The following ARHGAP26 variants were observed in gnomAD, a reference collection of about 807,000 sequenced individuals.
ARHGAP26 encodes rho GTPase-activating protein 26.
ARHGAP26 carries 38 observed loss-of-function variants against 104.8 expected under a neutral mutation model. The ratio of observed to expected loss-of-function variants is 0.36; its 90% confidence interval spans 0.28 to 0.48. ARHGAP26 has a LOEUF of 0.48. Among genes scored for constraint, ARHGAP26 ranks in the 20% least tolerant of loss-of-function variants. The pLI, the probability that ARHGAP26 is intolerant of heterozygous loss-of-function variation, is 0.99. For synonymous variants in ARHGAP26, 341 were observed against 340.0 expected (o/e 1.00, Z -0.03); for missense variants, 704 against 947.9 (o/e 0.74, Z 3.38).
At chr5:142,920,863 G>A (rs1050832512) in intron 10 of ARHGAP26, among the ~76,000 whole-genome samples, 1 of 152,214 alleles carries the variant, frequency 6.6e-6, no homozygotes, top group Admixed American at 6.5e-5. Context: ...ATACTGGGGG[G>A]AAAGTAACAA....
In ARHGAP26 at chr5:143,228,434, A is replaced by G. The variant is rs1811827419; in HGVS notation, c.*5988A>G. The G allele has an allele frequency of 4.6e-6, 1 of 219,572 alleles. No individual in the cohort carries two copies. Among genetic ancestry groups the G allele is most frequent in the African/African-American group, 2.2e-5 (1 of 44,562 alleles). 13.6% of individuals were successfully genotyped at this position (219,572 alleles called of 1,614,324 possible). On this transcript the variant is annotated 3_prime_UTR_variant, in exon 23 of 23. Transcript: ENST00000645722. ...GATGTAAATTCAGTGCCATTTTAAA[A>G]CTGTTCATATTTATCAAACAATTAC...
chr5:143,209,068 A>G (rs1809030965), intron 21 of ARHGAP26, among the ~76,000 whole-genome samples: 1 of 152,220 alleles, frequency 6.6e-6, no homozygotes, highest in Non-Finnish European at 1.5e-5. Context: ...GGCTTTAGGA[A>G]AATGTAATTC....
At chr5:142,977,786 G>A (rs751555776) in intron 11 of ARHGAP26, among the ~76,000 whole-genome samples, 9 of 152,198 alleles carry the variant, frequency 5.9e-5, no homozygotes, top group East Asian at 1.9e-4. Context: ...AAAAATTCAC[G>A]GAGGAAGTCA....
In ARHGAP26 at chr5:143,033,923, G is replaced by A. The variant is rs115479954; in HGVS notation, c.1145-3273G>A. On this transcript the variant is annotated intron_variant, in intron 12 of 22. Coordinates refer to ENST00000645722, the MANE Select transcript of ARHGAP26 (RefSeq NM_001135608.3). ...CCTTTAGCACAAAACGTAATTCCCC[G>A]TCTGACAAATGCTTTCCAGTAGGCT... 5.5e-3 allele frequency among the ~76,000 whole-genome samples: 841 copies of A among 152,228 alleles called. 7 individuals are homozygous for A. Among genetic ancestry groups the A allele is most frequent in the African/African-American group, 0.018 (738 of 41,518 alleles).
intron 1 of ARHGAP26, among the ~76,000 whole-genome samples, chr5:142,790,009 T>C (rs1759477366): frequency 6.6e-6 from 1 of 152,232 alleles, no homozygotes; most frequent in African/African-American, 2.4e-5. Flanking sequence ...ATAAGGTCTT[T>C]ATTAATCCAG....
intron 5 of ARHGAP26, among the ~76,000 whole-genome samples, chr5:142,889,003 A>AT (rs1192333555): frequency 2.0e-5 from 3 of 152,164 alleles, no homozygotes; most frequent in African/African-American, 4.8e-5. Context: ...TTATAATTCC[A>AT]TTGCAGGGGG....
At chr5:143,147,595 C>T in intron 20 of ARHGAP26, 1 of 531,240 alleles carries the variant, frequency 1.9e-6, no homozygotes. Context: ...GCTTCTTAGC[C>T]TTGGTGATTT....
At chr5:143,169,572 G>A (rs1802490156) in intron 20 of ARHGAP26, 1 of 152,204 alleles carries the variant, frequency 6.6e-6, no homozygotes, top group Non-Finnish European at 1.5e-5. Flanking sequence ...AATACAGGCT[G>A]AGCCTAATTT....
Position 142,943,899 on chromosome 5 carries a change from A to ATT in ARHGAP26, c.1107+11775_1107+11776insTT, listed in dbSNP as rs146757095. On this transcript the variant is annotated intron_variant, in intron 11 of 22. Coordinates refer to ENST00000645722, the MANE Select transcript of ARHGAP26 (RefSeq NM_001135608.3). Reference sequence around the variant, plus strand: ...TTTATATTAGCTTAACCTTTGGGGAATAGGATTAGTTGTGAGACTTTTTGA... The same window carrying ATT: ...TTTATATTAGCTTAACCTTTGGGGAATTTAGGATTAGTTGTGAGACTTTTTGA... Among the ~76,000 whole-genome samples the ATT allele has an allele frequency of 6.9e-3, 1,048 of 152,214 alleles. 11 individuals are homozygous for ATT. Among genetic ancestry groups the ATT allele is most frequent in the African/African-American group, 0.024 (1,001 of 41,540 alleles).
At chr5:142,771,217 C>T in intron 1 of ARHGAP26, 1 of 1,268,468 alleles carries the variant, frequency 7.9e-7, no homozygotes, top group Non-Finnish European at 9.9e-7. Context: ...GGTGTCCCAG[C>T]AGTGGGGCCA....
chr5:143,182,146 C>T (rs950437445), intron 20 of ARHGAP26, among the ~76,000 whole-genome samples: 13 of 152,220 alleles, frequency 8.5e-5, no homozygotes, highest in African/African-American at 3.1e-4. Flanking sequence ...TACCACATCA[C>T]TCTGTGTTAT....
At chr5:143,190,444 T>C (rs748830745) in intron 20 of ARHGAP26, among the ~76,000 whole-genome samples, 1 of 152,164 alleles carries the variant, frequency 6.6e-6, no homozygotes, top group African/African-American at 2.4e-5. Flanking sequence ...CTGTGCGCCA[T>C]GGTGGCTAGA....
intron 1 of ARHGAP26, among the ~76,000 whole-genome samples, chr5:142,844,203 A>G (rs1043043152): frequency 2.0e-5 from 3 of 151,852 alleles, no homozygotes; most frequent in African/African-American, 7.3e-5. Context: ...GGTACCCACC[A>G]CCACACCTGG....
chr5:143,098,077 G>A (rs895352749), intron 17 of ARHGAP26, among the ~76,000 whole-genome samples: 5 of 152,004 alleles, frequency 3.3e-5, no homozygotes, highest in African/African-American at 1.2e-4. Flanking sequence ...CTTTATAATA[G>A]CGCTGCCTCA....
At chr5:143,026,111 A>G (rs1034183012) in intron 12 of ARHGAP26, among the ~76,000 whole-genome samples, 14 of 152,188 alleles carry the variant, frequency 9.2e-5, no homozygotes, top group Non-Finnish European at 1.8e-4. Context: ...CCTGAACTCT[A>G]GAAGGTACCA....
rs1226879690 is a variant in ARHGAP26 at position 142,963,192 on chromosome 5, A to ATGTGTGTGTGTGTG, written c.1107+31068_1107+31069insGTGTGTGTGTGTGT. Among the ~76,000 whole-genome samples the ATGTGTGTGTGTGTG allele has an allele frequency of 8.6e-5, 9 of 104,352 alleles. No homozygotes were observed. The East Asian group carries it at 1.7e-3, about 20-fold the overall frequency. 68.5% of individuals were successfully genotyped at this position (104,352 alleles called of 152,430 possible). On this transcript the variant is annotated intron_variant, in intron 11 of 22. Transcript: ENST00000645722. ...TATATGTATATATATATATATATAT[A>ATGTGTGTGTGTGTG]TATATATGTGTGTGTGTGTGTGTGT...
chr5:142,869,440 C>T (rs1009910613), intron 1 of ARHGAP26, among the ~76,000 whole-genome samples: 6 of 151,916 alleles, frequency 3.9e-5, no homozygotes, highest in Admixed American at 2.6e-4. Flanking sequence ...AGACTGGTCT[C>T]GAACTCCTGA....
intron 4 of ARHGAP26, among the ~76,000 whole-genome samples, chr5:142,879,712 A>G (rs1307120367): frequency 1.3e-5 from 2 of 152,172 alleles, no homozygotes; most frequent in African/African-American, 2.4e-5. Context: ...AAATCATCCA[A>G]AGGTAGAAAC....
intron 11 of ARHGAP26, among the ~76,000 whole-genome samples, chr5:142,972,921 T>TA (rs1772495796): frequency 6.6e-6 from 1 of 152,218 alleles, no homozygotes; most frequent in Non-Finnish European, 1.5e-5. Flanking sequence ...GTTATTATTT[T>TA]AATTTTTTTC....
Sources: allele counts gnomAD v4.1 joint callset (sites outside exome capture counted in the v4.1 genomes callset), GRCh38; gene constraint gnomAD v4.1.1; transcripts MANE v1.5; gene names NCBI Gene and HGNC (gene_info 2026-07-23, HGNC 2026-07-21).